The following RHOBTB1 variants were observed in gnomAD, a reference collection of about 807,000 sequenced individuals.
RHOBTB1 encodes the protein Rho related BTB domain containing 1, also known as rho-related BTB domain-containing protein 1.
Under a neutral mutation model 71.6 loss-of-function variants are expected in RHOBTB1, and 40 were observed. That is an observed-to-expected ratio of 0.56 (90% confidence interval 0.43 to 0.73). RHOBTB1 has a LOEUF of 0.73. Ranked by LOEUF, RHOBTB1 falls within the 30% of genes least tolerant of loss-of-function variation. RHOBTB1 has a pLI of 0.00. For synonymous variants in RHOBTB1, 319 were observed against 334.9 expected (o/e 0.95, Z 0.52); for missense variants, 797 against 894.0 (o/e 0.89, Z 1.38).
chr10:60,944,177 C>T lies in RHOBTB1; in HGVS notation c.-268G>A, dbSNP rs1224249854. ...CGCCTCGCCCGGCGCCGTGGCCGCT[C>T]TTCCCAGTCCCGGGCGAGAGGGGCT... On this transcript the variant is annotated 5_prime_UTR_variant, in exon 1 of 11. Coordinates refer to ENST00000337910, the MANE Select transcript of RHOBTB1 (RefSeq NM_014836.5). 1 of 151,994 alleles carries T rather than the reference C, an allele frequency of 6.6e-6. No homozygotes were observed. Among genetic ancestry groups the T allele is most frequent in the Non-Finnish European group, 1.5e-5 (1 of 68,008 alleles). The allele number at this position is 151,994 out of a possible 1,614,324, so 9.4% of individuals were successfully genotyped here.
chr10:60,877,946 GC>G lies in RHOBTB1; in HGVS notation c.1687del (p.Ala563GlnfsTer21). On this transcript the variant is annotated frameshift_variant, in exon 8 of 11. Transcript: ENST00000337910. LOFTEE classifies it high-confidence loss of function. ...DLDPLELIALANRFCLPHLVA... is the reference protein window; with the variant it reads ...DLDPLELIALXNRFCLPHLVA... Reference sequence around the variant, plus strand: ...CAAGTGTGGCAGGCAAAATCTGTTTGCCAAGGCAATTAATTCCAGCGGGTCC... The same window carrying G: ...CAAGTGTGGCAGGCAAAATCTGTTTGCAAGGCAATTAATTCCAGCGGGTCC... 1 of 1,614,016 alleles carries G rather than the reference GC, an allele frequency of 6.2e-7. No individual in the cohort carries two copies. The highest frequency in any genetic ancestry group is 8.5e-7 in the Non-Finnish European group (1 of 1,179,938).
chr10:60,878,080 TA>T (rs1431613955), intron 7 of RHOBTB1, 22 bp from the exon 8 acceptor site: 32 of 1,601,530 alleles, frequency 2.0e-5, no homozygotes, highest in Non-Finnish European at 2.5e-5. Context: ...TACAAAAAGC[TA>T]AATTCTGCTG....
At chr10:60,968,843 T>C (rs991363307) in intron 2 of RHOBTB1, among the ~76,000 whole-genome samples, 1 of 152,068 alleles carries the variant, frequency 6.6e-6, no homozygotes, top group Non-Finnish European at 1.5e-5. Flanking sequence ...CATGGCATCC[T>C]TGGGGCTAAG....
chr10:60,919,973 G>A (rs2083466001), intron 2 of RHOBTB1, among the ~76,000 whole-genome samples: 1 of 152,150 alleles, frequency 6.6e-6, no homozygotes, highest in African/African-American at 2.4e-5. Context: ...AAAGATGCAT[G>A]AAAATTCCAG....
intron 2 of RHOBTB1, among the ~76,000 whole-genome samples, chr10:60,970,840 C>A (rs1343075871): frequency 6.6e-6 from 1 of 151,630 alleles, no homozygotes; most frequent in Non-Finnish European, 1.5e-5. Context: ...GCAGTTGGAC[C>A]AAATAACAAA....
intron 1 of RHOBTB1, among the ~76,000 whole-genome samples, chr10:60,991,003 G>A (rs1277488412): frequency 6.6e-6 from 1 of 152,072 alleles, no homozygotes; most frequent in Non-Finnish European, 1.5e-5. Flanking sequence ...TCCTCATGGG[G>A]TGCACATAGA....
intron 2 of RHOBTB1, among the ~76,000 whole-genome samples, chr10:60,927,513 G>A (rs2083955991): frequency 6.6e-6 from 1 of 152,132 alleles, no homozygotes; most frequent in South Asian, 2.1e-4. Flanking sequence ...CATAAAAACA[G>A]ACACACTGAC....
intron 2 of RHOBTB1, among the ~76,000 whole-genome samples, chr10:60,959,740 C>T (rs1446111917): frequency 6.6e-6 from 1 of 152,126 alleles, no homozygotes. Context: ...GTTTCTGCAA[C>T]TAAAAAATAA....
chr10:60,910,761 C>T (rs934831718), intron 4 of RHOBTB1, 126 bp downstream of exon 4: 8 of 616,774 alleles, frequency 1.3e-5, no homozygotes, highest in Middle Eastern at 2.6e-4. Context: ...TTTTCTTAGA[C>T]ACAGTGCAGA....
At chr10:60,928,144 T>C (rs555980834) in intron 2 of RHOBTB1, among the ~76,000 whole-genome samples, 3 of 152,258 alleles carry the variant, frequency 2.0e-5, no homozygotes, top group Admixed American at 6.5e-5. Context: ...GCAGTTAAAA[T>C]GGCTTTTATG....
At chr10:60,990,560 A>G (rs2086830163) in intron 1 of RHOBTB1, among the ~76,000 whole-genome samples, 1 of 152,144 alleles carries the variant, frequency 6.6e-6, no homozygotes, top group African/African-American at 2.4e-5. Context: ...GTGCTCAATA[A>G]AACACACATT....
At position 60,889,005 on chromosome 10, in the gene RHOBTB1, T is replaced by A; in HGVS notation, c.663A>T (p.Leu221=). The A allele has an allele frequency of 6.2e-7, 1 of 1,614,148 alleles. No individual in the cohort carries two copies. The highest frequency in any genetic ancestry group is 8.5e-7 in the Non-Finnish European group (1 of 1,180,016). ...RRHLQFWKSH[L]KKVQKPLLQA... ...GAAGTAAAGGTTTCTGGACTTTCTT[T>A]AGGTGGGATTTCCAGAATTGCAGGT... is the stretch of plus-strand genomic sequence containing the variant. The change falls in exon 6 of 11, where the codon CTA becomes CTT. Residue 221 remains leucine, a synonymous_variant. Coordinates refer to ENST00000337910, the MANE Select transcript of RHOBTB1 (RefSeq NM_014836.5).
At chr10:60,884,103 G>A (rs1426756478) in intron 7 of RHOBTB1, among the ~76,000 whole-genome samples, 1 of 152,164 alleles carries the variant, frequency 6.6e-6, no homozygotes, top group Non-Finnish European at 1.5e-5. Flanking sequence ...GCCTTTTGCT[G>A]GGGGGTTGGT....
At chr10:60,915,087 T>A (rs138576487) in intron 2 of RHOBTB1, among the ~76,000 whole-genome samples, 5 of 152,328 alleles carry the variant, frequency 3.3e-5, no homozygotes, top group African/African-American at 1.2e-4. Flanking sequence ...GAATGTGAAA[T>A]CACAGCCAAG....
chr10:60,910,916 A>T lies in RHOBTB1; in HGVS notation c.267T>A (p.His89Gln). 10 of 1,614,080 alleles carry T rather than the reference A, an allele frequency of 6.2e-6. No individual in the cohort carries two copies. The highest frequency in any genetic ancestry group is 8.5e-6 in the Non-Finnish European group (10 of 1,179,974). The part of the protein sequence containing the change: ...SLRLWDTFGD[H>Q]HKDRRFAYGR... ...CATATGCAAAGCGTCTGTCTTTGTGATGATCACCAAAAGTATCCCAAAGCC... is the reference window on the plus strand; with the variant it reads ...CATATGCAAAGCGTCTGTCTTTGTGTTGATCACCAAAAGTATCCCAAAGCC... The change falls in exon 4 of 11, where the codon CAT (histidine) becomes CAA (glutamine). Residue 89 changes from histidine (H) to glutamine (Q), a missense_variant. Coordinates refer to ENST00000337910, the MANE Select transcript of RHOBTB1 (RefSeq NM_014836.5).
At position 60,869,717 on chromosome 10, in the gene RHOBTB1, G is replaced by A. The variant is rs2080691721; in HGVS notation, c.*1765C>T. On this transcript the variant is annotated 3_prime_UTR_variant, in exon 11 of 11. Transcript: ENST00000337910. Reference sequence around the variant, plus strand: ...TCTACCATTTTATGGTGGGATACATGTCAATTCTTCCACATCTTGTCTCCT... The same window carrying A: ...TCTACCATTTTATGGTGGGATACATATCAATTCTTCCACATCTTGTCTCCT... 1 of 152,572 alleles carries A rather than the reference G, an allele frequency of 6.6e-6. No individual in the cohort carries two copies. The highest frequency in any genetic ancestry group is 2.1e-4 in the South Asian group (1 of 4,828). The allele number at this position is 152,572 out of a possible 1,614,324, so 9.5% of individuals were successfully genotyped here.
chr10:60,960,268 T>C (rs911632094), intron 2 of RHOBTB1, among the ~76,000 whole-genome samples: 4 of 152,196 alleles, frequency 2.6e-5, no homozygotes, highest in Non-Finnish European at 4.4e-5. Flanking sequence ...TAAATGATGC[T>C]TCCATAGAAT....
intron 2 of RHOBTB1, among the ~76,000 whole-genome samples, chr10:60,980,371 C>T (rs111541505): frequency 4.6e-5 from 7 of 151,806 alleles, no homozygotes; most frequent in African/African-American, 1.2e-4. Flanking sequence ...TATGAATATA[C>T]GATAAAAAAA....
chr10:60,880,304 C>A (rs1357087225), intron 7 of RHOBTB1, among the ~76,000 whole-genome samples: 1 of 151,088 alleles, frequency 6.6e-6, no homozygotes, highest in Non-Finnish European at 1.5e-5. Flanking sequence ...TATAATGGCC[C>A]CACATTCTAC....
Sources: allele counts gnomAD v4.1 joint callset (sites outside exome capture counted in the v4.1 genomes callset), GRCh38; gene constraint gnomAD v4.1.1; transcripts MANE v1.5; gene names NCBI Gene and HGNC (gene_info 2026-07-23, HGNC 2026-07-21).